The following EFCAB5 variants were observed in gnomAD, a reference collection of about 807,000 sequenced individuals.
EFCAB5 encodes the protein EF-hand calcium binding domain 5, also known as EF-hand calcium-binding domain-containing protein 5.
EFCAB5 carries 131 observed loss-of-function variants against 167.9 expected under a neutral mutation model. That is an observed-to-expected ratio of 0.78 (90% CI 0.68 to 0.90). EFCAB5 has a LOEUF of 0.90. Ranked by LOEUF, EFCAB5 falls within the 40% of genes least tolerant of loss-of-function variation. The probability of loss-of-function intolerance (pLI) is 0.00; values close to 1 mark genes in which losing one functional copy is unlikely to be tolerated. For missense variants in EFCAB5, 1,663 were observed against 1,745.2 expected, an observed-to-expected ratio of 0.95 and a Z score of 0.84; for synonymous variants, 574 against 602.8, an observed-to-expected ratio of 0.95 and a Z score of 0.70.
At chr17:30,033,370 G>T (rs1435097473) in intron 7 of EFCAB5, among the ~76,000 whole-genome samples, 2 of 152,126 alleles carry the variant, frequency 1.3e-5, no homozygotes, top group Admixed American at 1.3e-4. Context: ...GAGCCACCGT[G>T]CCCGGCCGAG....
At chr17:29,994,037 G>A (rs1020619543) in intron 5 of EFCAB5, among the ~76,000 whole-genome samples, 7 of 149,478 alleles carry the variant, frequency 4.7e-5, no homozygotes, top group Non-Finnish European at 8.9e-5. Flanking sequence ...CCAGGAGGTC[G>A]AAGCTGCACT....
At chr17:29,939,934 C>T (rs765006165), upstream of EFCAB5, among the ~76,000 whole-genome samples, 5 of 152,308 alleles carry the variant, frequency 3.3e-5, no homozygotes, top group Admixed American at 6.5e-5. Context: ...TAGTCTTTTA[C>T]TATCCAGCTT....
intron 8 of EFCAB5, among the ~76,000 whole-genome samples, chr17:30,049,643 A>G (rs970360971): frequency 2.0e-5 from 3 of 152,248 alleles, no homozygotes; most frequent in African/African-American, 7.2e-5. Flanking sequence ...ACTAGTAATC[A>G]GGGAAATGCA....
intron 4 of EFCAB5, among the ~76,000 whole-genome samples, chr17:29,985,899 C>G (rs955695703): frequency 2.0e-5 from 3 of 152,182 alleles, no homozygotes; most frequent in Admixed American, 2.0e-4. Flanking sequence ...ACATGTTCCC[C>G]ATTTTTGTTT....
In EFCAB5 at chr17:30,026,182, T is replaced by A. The variant is rs373840266; in HGVS notation, c.1045-8048T>A. ...CTTAAAGTATAATAATAATAAAAAATAAATAAATAAATAAATAAATAATCA... is the reference window on the plus strand; with the variant it reads ...CTTAAAGTATAATAATAATAAAAAAAAAATAAATAAATAAATAAATAATCA... On this transcript the variant is annotated intron_variant, in intron 7 of 22. Transcript: ENST00000394835. 1.2e-3 allele frequency among the ~76,000 whole-genome samples: 173 copies of A among 147,740 alleles called. 8 individuals carry two copies. The East Asian group carries it at 0.018, about 16-fold the overall frequency.
chr17:29,949,785 G>C (rs1297776584), intron 3 of EFCAB5, among the ~76,000 whole-genome samples: 1 of 152,112 alleles, frequency 6.6e-6, no homozygotes, highest in Non-Finnish European at 1.5e-5. Context: ...TGACTACAGT[G>C]GTAACCAAAC....
chr17:30,035,853 T>C (rs974019397), intron 8 of EFCAB5, among the ~76,000 whole-genome samples: 22 of 151,994 alleles, frequency 1.4e-4, no homozygotes, highest in African/African-American at 4.8e-4. Flanking sequence ...TTTTCAAGTA[T>C]CTTTAACTTA....
intron 7 of EFCAB5, 52 bp downstream of exon 7, chr17:30,000,028 T>A: frequency 7.2e-7 from 1 of 1,388,606 alleles, no homozygotes; most frequent in African/African-American, 1.4e-5. Context: ...TCAGTTTCAA[T>A]TGTCTGTTGG....
chr17:30,073,608 G>A (rs531753253), intron 14 of EFCAB5: 12 of 694,256 alleles, frequency 1.7e-5, no homozygotes, highest in East Asian at 8.1e-5. Flanking sequence ...ATTAGAGTTC[G>A]ATATTTGTTA....
intron 14 of EFCAB5, among the ~76,000 whole-genome samples, chr17:30,066,831 A>T (rs961172278): frequency 6.6e-6 from 1 of 152,236 alleles, no homozygotes. Flanking sequence ...AAAAGGAGAC[A>T]TTACAACTGA....
At chr17:30,034,151 C>T in intron 7 of EFCAB5, 79 bp from the exon 8 acceptor site, 1 of 1,506,108 alleles carries the variant, frequency 6.6e-7, no homozygotes, top group Non-Finnish European at 9.0e-7. Flanking sequence ...ATTTCATGCA[C>T]ATTGGTTGAA....
intron 5 of EFCAB5, among the ~76,000 whole-genome samples, chr17:29,995,118 T>A (rs1289271716): frequency 6.6e-6 from 1 of 152,218 alleles, no homozygotes; most frequent in Admixed American, 6.5e-5. Flanking sequence ...AAACTCATAG[T>A]TCTTCTACCT....
intron 22 of EFCAB5, among the ~76,000 whole-genome samples, chr17:30,097,713 G>A (rs2071323845): frequency 6.6e-6 from 1 of 152,208 alleles, no homozygotes; most frequent in African/African-American, 2.4e-5. Flanking sequence ...ATACACAGCT[G>A]AGGATTGTAG....
intron 1 of EFCAB5, among the ~76,000 whole-genome samples, chr17:29,935,070 A>G (rs1269373968): frequency 1.3e-5 from 2 of 152,202 alleles, no homozygotes; most frequent in South Asian, 2.1e-4. Flanking sequence ...TGATAATCCA[A>G]TCCCTTATAT....
chr17:29,939,010 A>C (rs2067267843), upstream of EFCAB5, among the ~76,000 whole-genome samples: 1 of 152,212 alleles, frequency 6.6e-6, no homozygotes, highest in African/African-American at 2.4e-5. Flanking sequence ...ATCCATCAGA[A>C]TCATCACTGT....
intron 7 of EFCAB5, among the ~76,000 whole-genome samples, chr17:30,001,266 AC>A (rs1302124853): frequency 1.3e-5 from 2 of 152,184 alleles, no homozygotes; most frequent in Admixed American, 6.5e-5. Context: ...TTAAAATTCC[AC>A]AGATACAAAT....
intron 7 of EFCAB5, among the ~76,000 whole-genome samples, chr17:30,018,987 T>C (rs1567718057): frequency 6.6e-6 from 1 of 152,218 alleles, no homozygotes; most frequent in Non-Finnish European, 1.5e-5. Flanking sequence ...TGATATGGTA[T>C]GGATGCTTTC....
chr17:30,057,801 G>A lies in EFCAB5; in HGVS notation c.2491G>A (p.Ala831Thr), dbSNP rs767290034. Residue 831 changes from alanine to threonine, a missense_variant, in exon 13 of 23, where the codon GCT becomes ACT. Coordinates refer to ENST00000394835, the MANE Select transcript of EFCAB5 (RefSeq NM_198529.4). The part of the protein sequence containing the change: ...QLLETFVGED[A>T]PLSVSETLTS... ...CCTGGAGACATTTGTTGGTGAAGAC[G>A]CTCCCTTGAGTGTCAGCGAGACTCT... The A allele has an allele frequency of 1.9e-5, 31 of 1,613,686 alleles. No homozygotes were observed. Among genetic ancestry groups the A allele is most frequent in the South Asian group, 7.7e-5 (7 of 91,080 alleles).
chr17:29,997,048 C>A (rs1397746590), intron 6 of EFCAB5, among the ~76,000 whole-genome samples: 1 of 152,084 alleles, frequency 6.6e-6, no homozygotes, highest in Non-Finnish European at 1.5e-5. Context: ...GAGTTTGAGA[C>A]CAGCCTGGCC....
Sources: allele counts gnomAD v4.1 joint callset (sites outside exome capture counted in the v4.1 genomes callset), GRCh38; gene constraint gnomAD v4.1.1; transcripts MANE v1.5; gene names NCBI Gene and HGNC (gene_info 2026-07-23, HGNC 2026-07-21).